The following PPP2R1B variants were observed in gnomAD, a reference collection of about 807,000 sequenced individuals.
PPP2R1B encodes the protein serine/threonine-protein phosphatase 2A 65 kDa regulatory subunit A beta isoform.
In PPP2R1B, 58 loss-of-function variants were observed where a neutral mutation model predicts 72.7. The ratio of observed to expected loss-of-function variants is 0.80; its 90% confidence interval spans 0.65 to 0.99. The LOEUF (loss-of-function observed/expected upper bound fraction) is 0.99, where lower values mean the gene tolerates loss of function less well. Among genes scored for constraint, PPP2R1B ranks in the 50% least tolerant of loss-of-function variants. The pLI is 0.00. For missense variants in PPP2R1B, 695 were observed against 733.6 expected (o/e 0.95, Z 0.61); for synonymous variants, 256 against 264.6 (o/e 0.97, Z 0.32).
Position 111,764,907 on chromosome 11 carries a change from TG to T in PPP2R1B, c.206-3del. ...CCTCATCTTCATCATAAATTGTATC[TG>T]GAAGTGACAACAACAGGACTCATCA... On this transcript the variant is annotated splice_polypyrimidine_tract_variant and splice_region_variant and intron_variant, in intron 2 of 14. Coordinates refer to ENST00000527614, the MANE Select transcript of PPP2R1B (RefSeq NM_002716.5). 1 of 1,613,574 alleles carries T rather than the reference TG, an allele frequency of 6.2e-7. No individual in the cohort carries two copies. The highest frequency in any genetic ancestry group is 2.2e-5 in the East Asian group (1 of 44,878).
the PPP2R1B span, chr11:111,701,045 C>T: frequency 6.2e-7 from 1 of 1,601,086 alleles, no homozygotes. This position sits in a 1 kb window ranked among gnomAD's most constrained non-coding sequence, Gnocchi z 4.2. Context: ...TTAAATGCAT[C>T]TATACTGATA....
chr11:111,721,780 G>A, the PPP2R1B span: 125 of 1,463,566 alleles, frequency 8.5e-5, no homozygotes, highest in African/African-American at 1.2e-3. Context: ...GAACTGAGAC[G>A]TTTTTCCCCA....
chr11:111,688,319 A>G, the PPP2R1B span, among the ~76,000 whole-genome samples: 5 of 152,218 alleles, frequency 3.3e-5, no homozygotes, highest in African/African-American at 1.2e-4. This position sits in a 1 kb window ranked among gnomAD's most constrained non-coding sequence, Gnocchi z 4.2. Context: ...TTCTGTGTGT[A>G]ATTAAAAGTA....
chr11:111,747,823 T>G, intron 11 of PPP2R1B, 131 bp downstream of exon 11: 1 of 734,684 alleles, frequency 1.4e-6, no homozygotes, highest in Non-Finnish European at 2.1e-6. Context: ...GATTAAACTT[T>G]AATTAGAGCC....
intron 10 of PPP2R1B, among the ~76,000 whole-genome samples, chr11:111,751,846 A>G (rs1944918112): frequency 1.3e-5 from 2 of 152,126 alleles, no homozygotes; most frequent in Admixed American, 6.6e-5. Context: ...GTGTGGTGGC[A>G]TATTCCTGTA....
At chr11:111,737,761 C>T, downstream of PPP2R1B, 2 of 1,324,686 alleles carry the variant, frequency 1.5e-6, no homozygotes, top group Non-Finnish European at 2.0e-6. Context: ...GGTGCCTTTC[C>T]CTCGGGGCCC....
chr11:111,710,908 A>G, the PPP2R1B span, among the ~76,000 whole-genome samples: 6 of 152,166 alleles, frequency 3.9e-5, no homozygotes, highest in Admixed American at 1.3e-4. Context: ...TGAAATAACT[A>G]TAGCCGGAAA....
chr11:111,705,395 T>C, the PPP2R1B span, among the ~76,000 whole-genome samples: 5 of 152,242 alleles, frequency 3.3e-5, no homozygotes, highest in African/African-American at 1.2e-4. This position sits in a 1 kb window ranked among gnomAD's most constrained non-coding sequence, Gnocchi z 4.3. Flanking sequence ...AGCCTTTACA[T>C]TCAATTCCAT....
downstream of PPP2R1B, chr11:111,723,365 C>G: frequency 1.0e-6 from 1 of 987,094 alleles, no homozygotes; most frequent in South Asian, 1.7e-5. Flanking sequence ...GGTTCCCATT[C>G]CCACTTGTTT....
At chr11:111,748,993 T>C (rs1944803192) in intron 10 of PPP2R1B, among the ~76,000 whole-genome samples, 1 of 151,616 alleles carries the variant, frequency 6.6e-6, no homozygotes, top group South Asian at 2.1e-4. Context: ...ATTACAGATA[T>C]GCAGCACATG....
At chr11:111,737,669 G>C (rs1223444543), downstream of PPP2R1B, 2 of 1,566,292 alleles carry the variant, frequency 1.3e-6, no homozygotes, top group East Asian at 4.5e-5. Flanking sequence ...AGTTGTGCCA[G>C]CAGAGTTGGG....
intron 10 of PPP2R1B, among the ~76,000 whole-genome samples, chr11:111,751,378 A>G (rs1944901087): frequency 6.6e-6 from 1 of 152,206 alleles, no homozygotes; most frequent in Non-Finnish European, 1.5e-5. Context: ...GAAACTGATT[A>G]TTCTATGGCT....
chr11:111,742,499 CA>C (rs1294986485), intron 13 of PPP2R1B, 23 bp downstream of exon 13: 1 of 1,602,976 alleles, frequency 6.2e-7, no homozygotes, highest in Admixed American at 1.7e-5. Context: ...ACTTTTAAAA[CA>C]AGACTAAACA....
In PPP2R1B at chr11:111,760,940, A is replaced by G. The variant is rs1555051179; in HGVS notation, c.418T>C (p.Phe140Leu). The G allele has an allele frequency of 2.5e-6, 4 of 1,614,216 alleles. No homozygotes were observed. The highest frequency in any genetic ancestry group is 3.4e-6 in the Non-Finnish European group (4 of 1,180,038). ...GCTAAGCGTTTCACCAGAGGTACAA[A>G]ATAAGCTTCCAGAGCAACAGGAGTA... ...EHTPVALEAY[F>L]VPLVKRLASG... Residue 140 changes from phenylalanine (F) to leucine (L), a missense_variant, in exon 4 of 15, where the codon TTT becomes CTT. By Grantham distance (22) the Phe-to-Leu change is conservative. Coordinates refer to ENST00000527614, the MANE Select transcript of PPP2R1B (RefSeq NM_002716.5).
downstream of PPP2R1B, chr11:111,723,348 C>T (rs1218903414): frequency 2.5e-6 from 2 of 807,110 alleles, no homozygotes; most frequent in Non-Finnish European, 3.9e-6. Context: ...AGAGACCCAA[C>T]ACAATTGGTT....
At chr11:111,749,296 G>C (rs1555047215) in intron 10 of PPP2R1B, among the ~76,000 whole-genome samples, 14 of 150,362 alleles carry the variant, frequency 9.3e-5, no homozygotes, top group Non-Finnish European at 4.4e-5. Flanking sequence ...TGTTGTTGTT[G>C]TTGTCGAGAC....
At chr11:111,766,166 C>A (rs1260833850) in intron 1 of PPP2R1B, 82 bp downstream of exon 1, 16 of 1,401,132 alleles carry the variant, frequency 1.1e-5, no homozygotes, top group Non-Finnish European at 1.5e-5. Flanking sequence ...CCTCGGCCAC[C>A]CCCACCGCGA....
the PPP2R1B span, among the ~76,000 whole-genome samples, chr11:111,713,654 G>A: frequency 2.0e-5 from 3 of 152,150 alleles, no homozygotes; most frequent in Non-Finnish European, 4.4e-5. Context: ...GACAGCGCCA[G>A]GTGCTGAATA....
At chr11:111,705,626 G>T in the PPP2R1B span, among the ~76,000 whole-genome samples, 7 of 152,230 alleles carry the variant, frequency 4.6e-5, no homozygotes, top group African/African-American at 1.7e-4. The surrounding 1 kb of genome is among the most constrained non-coding windows in gnomAD (Gnocchi z 4.3). Context: ...AGGGGGAATG[G>T]CATGTAAGAC....
Sources: allele counts gnomAD v4.1 joint callset (sites outside exome capture counted in the v4.1 genomes callset), GRCh38; gene constraint gnomAD v4.1.1; non-coding constraint Gnocchi (gnomAD v3.1); transcripts MANE v1.5; gene names NCBI Gene and HGNC (gene_info 2026-07-23, HGNC 2026-07-21).